Variants in LAMA2 observed in about 807,000 individuals in gnomAD.
The protein encoded by LAMA2 is laminin subunit alpha 2, also known as laminin subunit alpha-2.
In LAMA2, 269 loss-of-function variants were observed where a neutral mutation model predicts 364.8. The observed-to-expected ratio is 0.74, with a 90% CI of 0.67 to 0.82. The LOEUF (loss-of-function observed/expected upper bound fraction) is 0.82. LAMA2 is among the 40% of genes least tolerant of loss of function. LAMA2 has a pLI of 0.00. For synonymous variants in LAMA2, 1,379 were observed against 1,370.6 expected (o/e 1.01, Z -0.14); for missense variants, 3,807 against 3,873.2 (o/e 0.98, Z 0.45).
intron 20 of LAMA2, among the ~76,000 whole-genome samples, chr6:129,292,029 C>T (rs556240900): frequency 2.0e-5 from 3 of 152,244 alleles, no homozygotes; most frequent in African/African-American, 7.2e-5. Flanking sequence ...TTTCCTTTGC[C>T]TTTACATTTT....
intron 1 of LAMA2, among the ~76,000 whole-genome samples, chr6:129,037,762 C>A (rs887151706): frequency 6.6e-6 from 1 of 151,838 alleles, no homozygotes; most frequent in East Asian, 1.9e-4. Context: ...CTCCGCCTCC[C>A]AGGTTCACGC....
chr6:129,264,858 G>A (rs957850126), intron 15 of LAMA2, among the ~76,000 whole-genome samples: 1 of 152,114 alleles, frequency 6.6e-6, no homozygotes, highest in East Asian at 1.9e-4. Flanking sequence ...GAGAGGTGGT[G>A]ACACAAAACA....
In LAMA2 at chr6:129,342,536, T is replaced by C. The variant is rs1294876017; in HGVS notation, c.4436+69T>C. 7.4e-6 allele frequency: 11 copies of C among 1,495,742 alleles called. 1 individual carries two copies. In the South Asian group the frequency reaches 1.1e-4, roughly 15 times the overall value. The allele number at this position is 1,495,742 out of a possible 1,614,324, so 92.7% of individuals were successfully genotyped here. On this transcript the variant is annotated intron_variant, in intron 30 of 64. Coordinates refer to ENST00000421865, the MANE Select transcript of LAMA2 (RefSeq NM_000426.4). The stretch of plus-strand genomic sequence containing the variant: ...ATCTGTCTAGCACATGGGCTGTCTA[T>C]GATTTGGCTATTTTTTCCATGTAGA...
intron 13 of LAMA2, among the ~76,000 whole-genome samples, chr6:129,251,859 TG>T: frequency 6.6e-6 from 1 of 152,046 alleles, no homozygotes; most frequent in Middle Eastern, 3.4e-3. Flanking sequence ...CGCTTGAACC[TG>T]GGAGGCACAG....
At position 129,039,778 on chromosome 6, in the gene LAMA2, AATAT is replaced by A. The variant is rs1786954614; in HGVS notation, c.113-10139_113-10136del. Among the ~76,000 whole-genome samples, 3 of 152,290 alleles carry A rather than the reference AATAT, an allele frequency of 2.0e-5. No individual in the cohort carries two copies. The South Asian group carries it at 6.2e-4, about 32-fold the overall frequency. ...TAGATCCCTCGCATGCACAGTTCAC[AATAT>A]GGTTCACGTTCCTGTGAGAGTCTAA... On this transcript the variant is annotated intron_variant, in intron 1 of 64. Transcript: ENST00000421865.
intron 12 of LAMA2, among the ~76,000 whole-genome samples, chr6:129,233,605 G>T (rs1207449685): frequency 6.6e-6 from 1 of 152,112 alleles, no homozygotes; most frequent in Non-Finnish European, 1.5e-5. Context: ...TGTTGAAAAG[G>T]CTAAGGAGGA....
intron 3 of LAMA2, among the ~76,000 whole-genome samples, chr6:129,067,667 AC>A (rs1278661293): frequency 1.3e-5 from 2 of 151,990 alleles, no homozygotes; most frequent in African/African-American, 4.8e-5. Context: ...GGCCTTAAGG[AC>A]CTTTTCCTCA....
intron 4 of LAMA2, among the ~76,000 whole-genome samples, chr6:129,102,038 ATATTGC>A (rs1342804214): frequency 6.6e-6 from 1 of 151,806 alleles, no homozygotes; most frequent in Non-Finnish European, 1.5e-5. Context: ...AGCTATGTAA[ATATTGC>A]TATTAAAGTT....
At chr6:129,479,732 TG>T (rs1239582818) in intron 54 of LAMA2, 1 of 152,108 alleles carries the variant, frequency 6.6e-6, no homozygotes, top group Non-Finnish European at 1.5e-5. Context: ...AGGGAAAATG[TG>T]GGTAAAGAAA....
Position 129,048,837 on chromosome 6 carries a change from A to G in LAMA2, c.113-1081A>G, listed in dbSNP as rs568344944. Among the ~76,000 whole-genome samples the G allele has an allele frequency of 4.0e-5, 6 of 151,556 alleles. No individual in the cohort carries two copies. The East Asian group carries it at 9.7e-4, about 25-fold the overall frequency. On this transcript the variant is annotated intron_variant, in intron 1 of 64. Transcript: ENST00000421865. ...ACCATGTTGGCCAGACTGGTCTTGA[A>G]CTCCTGACCTCAAGTGATCCGCCCA...
At chr6:129,110,107 T>C (rs1776061270) in intron 4 of LAMA2, among the ~76,000 whole-genome samples, 1 of 134,380 alleles carries the variant, frequency 7.4e-6, no homozygotes, top group African/African-American at 3.1e-5. Flanking sequence ...AGCACCTTAT[T>C]GCAAAAAAAA....
chr6:129,040,747 T>G (rs1405722340), intron 1 of LAMA2, among the ~76,000 whole-genome samples: 2 of 152,240 alleles, frequency 1.3e-5, no homozygotes, highest in African/African-American at 2.4e-5. Flanking sequence ...AGTGATTTTA[T>G]GAATCCATTG....
chr6:128,967,963 A>G (rs1479046761), intron 1 of LAMA2, among the ~76,000 whole-genome samples: 1 of 152,170 alleles, frequency 6.6e-6, no homozygotes, highest in Non-Finnish European at 1.5e-5. Context: ...TAGTGCCTGC[A>G]TTATTTCCCT....
At chr6:129,165,529 G>A (rs903465331) in intron 8 of LAMA2, 47 bp from the exon 9 acceptor site, 1 of 1,265,134 alleles carries the variant, frequency 7.9e-7, no homozygotes, top group African/African-American at 1.5e-5. Flanking sequence ...GAAAAATATT[G>A]CTGTTTCTAT....
chr6:129,059,744 C>A (rs756683024), intron 2 of LAMA2, 40 bp from the exon 3 acceptor site: 4 of 1,262,716 alleles, frequency 3.2e-6, no homozygotes, highest in African/African-American at 2.9e-5. Flanking sequence ...GTTATATGAT[C>A]TTTTCTTCTT....
chr6:129,132,459 C>T (rs1583102499), intron 4 of LAMA2, among the ~76,000 whole-genome samples: 1 of 152,094 alleles, frequency 6.6e-6, no homozygotes, highest in East Asian at 1.9e-4. Context: ...AGCCACCGCA[C>T]CAGCCTCTGA....
intron 10 of LAMA2, among the ~76,000 whole-genome samples, chr6:129,181,780 C>CA (rs1448458893): frequency 1.3e-5 from 2 of 151,070 alleles, no homozygotes; most frequent in South Asian, 2.1e-4. Flanking sequence ...AAACAATATT[C>CA]AAAAAAATAA....
rs1779321113 is a variant in LAMA2 at position 128,929,585 on chromosome 6, G to A, written c.112+46228G>A. 3.2e-6 allele frequency: 4 copies of A among 1,231,458 alleles called. No individual in the cohort carries two copies. In the East Asian group the frequency reaches 9.3e-5, roughly 29 times the overall value. 76.3% of individuals were successfully genotyped at this position (1,231,458 alleles called of 1,614,324 possible). On this transcript the variant is annotated intron_variant, in intron 1 of 64. Transcript: ENST00000421865. ...TCATGAGACTTGATCCTGCAGTTCT[G>A]GAGCCCCAGATGCCGCAAAAGCGCT...
At position 129,514,614 on chromosome 6, in the gene LAMA2, A is replaced by G; in HGVS notation, c.9211+19A>G. The G allele has an allele frequency of 6.3e-7, 1 of 1,580,780 alleles. No individual in the cohort carries two copies. Among genetic ancestry groups the G allele is most frequent in the East Asian group, 2.2e-5 (1 of 44,658 alleles). ...TTCCCAGGTGAGTGTTGGCTACCCCAGCAACAATTTCTTTGCTCTCTTATG... is the reference window on the plus strand; with the variant it reads ...TTCCCAGGTGAGTGTTGGCTACCCCGGCAACAATTTCTTTGCTCTCTTATG... On this transcript the variant is annotated intron_variant, in intron 64 of 64. Coordinates refer to ENST00000421865, the MANE Select transcript of LAMA2 (RefSeq NM_000426.4).
Sources: allele counts gnomAD v4.1 joint callset (sites outside exome capture counted in the v4.1 genomes callset), GRCh38; gene constraint gnomAD v4.1.1; transcripts MANE v1.5; gene names NCBI Gene and HGNC (gene_info 2026-07-23, HGNC 2026-07-21).